NDST1: variants seen among roughly 807,000 people sequenced by gnomAD.
NDST1 encodes bifunctional heparan sulfate N-deacetylase/N-sulfotransferase 1.
Under a neutral mutation model 92.8 loss-of-function variants are expected in NDST1, and 35 were observed. The observed-to-expected ratio is 0.38, with a 90% CI of 0.29 to 0.50. The LOEUF (loss-of-function observed/expected upper bound fraction) is 0.50. Ranked by LOEUF, NDST1 falls within the 20% of genes least tolerant of loss-of-function variation. NDST1 has a pLI of 0.94. For missense variants in NDST1, 822 were observed against 1,182.7 expected, an observed-to-expected ratio of 0.69 and a Z score of 4.47; for synonymous variants, 493 against 500.3, an observed-to-expected ratio of 0.99 and a Z score of 0.19.
rs1406410124 is a variant in NDST1 at position 150,546,073 on chromosome 5, C to T, written c.2145+587C>T. Among the ~76,000 whole-genome samples the T allele has an allele frequency of 2.1e-5, 3 of 145,046 alleles. No individual in the cohort carries two copies. The Admixed American group carries it at 2.1e-4, about 10-fold the overall frequency. On this transcript the variant is annotated intron_variant, in intron 11 of 14. Transcript: ENST00000261797. ...AGTGCAGTGGCCTGATCTCAACTCA[C>T]TGCAACATCCGCCTTCCAGTTTGAA... is the stretch of plus-strand genomic sequence containing the variant.
chr5:150,527,684 C>A lies in NDST1; in HGVS notation c.514-120C>A. 3 of 1,439,408 alleles carry A rather than the reference C, an allele frequency of 2.1e-6. No homozygotes were observed. In the South Asian group the frequency reaches 3.7e-5, roughly 18 times the overall value. The allele number at this position is 1,439,408 out of a possible 1,614,324, so 89.2% of individuals were successfully genotyped here. On this transcript the variant is annotated intron_variant, in intron 2 of 14. Transcript: ENST00000261797. ...TGGAGCGCAGGGCCAGGGTGGTGAG[C>A]CCTCCATGAATGTTGGTGAATATTG...
chr5:150,498,668 C>T (rs1312242807), intron 1 of NDST1, among the ~76,000 whole-genome samples: 1 of 152,226 alleles, frequency 6.6e-6, no homozygotes, highest in African/African-American at 2.4e-5. Context: ...TTTGTCCCTC[C>T]ATTGTCTCTT....
chr5:150,498,536 G>A (rs57049637), intron 1 of NDST1, among the ~76,000 whole-genome samples: 3 of 152,156 alleles, frequency 2.0e-5, no homozygotes, highest in Non-Finnish European at 4.4e-5. Context: ...GGGCAGGGGA[G>A]GTAGGGGAAA....
At position 150,535,721 on chromosome 5, in the gene NDST1, A is replaced by C; in HGVS notation, c.1273A>C (p.Met425Leu). The C allele has an allele frequency of 6.2e-7, 1 of 1,614,172 alleles. No homozygotes were observed. Among genetic ancestry groups the C allele is most frequent in the Non-Finnish European group, 8.5e-7 (1 of 1,180,030 alleles). Residue 425 changes from methionine to leucine, a missense_variant, in exon 6 of 15, where the codon ATG (methionine) becomes CTG (leucine). Transcript: ENST00000261797. ...FAVEHGIPTD[M>L]GYAVAPHHSG... ...CTAGGAGCATGGCATTCCCACAGAC[A>C]TGGGGTATGCAGTGGCGCCCCACCA...
chr5:150,521,754 T>C lies in NDST1; in HGVS notation c.500T>C (p.Ile167Thr), dbSNP rs759741142. The C allele has an allele frequency of 6.2e-7, 1 of 1,613,652 alleles. No homozygotes were observed. The highest frequency in any genetic ancestry group is 1.1e-5 in the South Asian group (1 of 91,082). The stretch of plus-strand genomic sequence containing the variant: ...TGTGTGGCCTACGGCGTGGGCATCA[T>C]TGGCTTCTTCAAGGTACACAAGAAG... ...KYCVAYGVGI[I>T]GFFKANENSL... Residue 167 changes from isoleucine to threonine, a missense_variant, in exon 2 of 15, where the codon ATT becomes ACT. Transcript: ENST00000261797. This position sits in a 1 kb window ranked among gnomAD's most constrained non-coding sequence, Gnocchi z 5.9.
chr5:150,548,513 C>G, intron 12 of NDST1, 125 bp downstream of exon 12: 1 of 995,902 alleles, frequency 1.0e-6, no homozygotes, highest in Non-Finnish European at 1.5e-6. Context: ...GAGCTAGACC[C>G]TTGGGTCTAT....
chr5:150,507,189 G>A (rs943000281), upstream of NDST1, among the ~76,000 whole-genome samples: 15 of 152,162 alleles, frequency 9.9e-5, 1 homozygote, highest in African/African-American at 3.6e-4. Flanking sequence ...AGGACCCTTG[G>A]CCACCCACGT....
At chr5:150,513,965 TTCATTATCC>T (rs1753844978) in intron 1 of NDST1, among the ~76,000 whole-genome samples, 2 of 152,230 alleles carry the variant, frequency 1.3e-5, no homozygotes, top group South Asian at 4.1e-4. Flanking sequence ...GAGCATCTCA[TTCATTATCC>T]TCAGCACCTT....
rs549399451 is a variant in NDST1 at position 150,513,320 on chromosome 5, G to A, written c.-388+5094G>A. Among the ~76,000 whole-genome samples, 66 of 150,866 alleles carry A rather than the reference G, an allele frequency of 4.4e-4. No homozygotes were observed. In the East Asian group the frequency reaches 0.01, roughly 24 times the overall value. On this transcript the variant is annotated intron_variant, in intron 1 of 14. Transcript: ENST00000261797. The stretch of plus-strand genomic sequence containing the variant: ...AGCCTGGGCAACATGGCGAAACCCC[G>A]TCTCTACTAAAAATACAAAAATTAG...
At chr5:150,535,318 G>T (rs1754932709) in intron 5 of NDST1, 1 of 985,316 alleles carries the variant, frequency 1.0e-6, no homozygotes, top group Non-Finnish European at 1.2e-6. Flanking sequence ...ACTAGAAGGG[G>T]AGGCTCTGGA....
In NDST1 at chr5:150,553,501, A is replaced by G; in HGVS notation, c.*169A>G. ...GGAGCACCCAGGCGGATCTGCAAGC[A>G]CCTCGGAGCACCCACCGCTGGGTCT... On this transcript the variant is annotated 3_prime_UTR_variant, in exon 15 of 15. Transcript: ENST00000261797. This position sits in a 1 kb window ranked among gnomAD's most constrained non-coding sequence, Gnocchi z 4.2. 1.1e-6 allele frequency: 1 copy of G among 873,984 alleles called. No individual in the cohort carries two copies. Among genetic ancestry groups the G allele is most frequent in the Non-Finnish European group, 1.8e-6 (1 of 541,698 alleles). 54.1% of individuals were successfully genotyped at this position (873,984 alleles called of 1,614,324 possible). A position where few individuals can be genotyped will look rare whatever the true frequency, so the allele number is the denominator to read the frequency against.
chr5:150,521,819 G>T lies in NDST1; in HGVS notation c.513+52G>T, dbSNP rs953929877. The T allele has an allele frequency of 3.1e-6, 5 of 1,603,996 alleles. No homozygotes were observed. The African/African-American group carries it at 6.7e-5, about 21-fold the overall frequency. ...AGTTCAGAGCCCCCTCTGCAGCTCA[G>T]TGCCTGAATTCTCATTTGTGAAATA... On this transcript the variant is annotated intron_variant, in intron 2 of 14. Transcript: ENST00000261797. The surrounding 1 kb of genome is among the most constrained non-coding windows in gnomAD (Gnocchi z 5.9).
intron 4 of NDST1, among the ~76,000 whole-genome samples, chr5:150,533,728 A>G (rs1227842582): frequency 6.6e-6 from 1 of 152,196 alleles, no homozygotes; most frequent in Non-Finnish European, 1.5e-5. Context: ...ATAGCCCCAA[A>G]GCCAAATAGG....
At chr5:150,528,627 C>T (rs546678793) in intron 3 of NDST1, among the ~76,000 whole-genome samples, 2 of 151,874 alleles carry the variant, frequency 1.3e-5, no homozygotes, top group South Asian at 4.2e-4. Flanking sequence ...CCCATCTCTA[C>T]TAAAAATACA....
At chr5:150,519,383 CCTT>C (rs149633157) in intron 1 of NDST1, among the ~76,000 whole-genome samples, 4,379 of 152,324 alleles carry the variant, frequency 0.029, 380 homozygotes, top group Admixed American at 0.16. Context: ...GGGCAACTCT[CCTT>C]CTAGCTTTGA....
At chr5:150,515,407 T>C (rs1049855309) in intron 1 of NDST1, among the ~76,000 whole-genome samples, 1 of 152,186 alleles carries the variant, frequency 6.6e-6, no homozygotes, top group Non-Finnish European at 1.5e-5. Flanking sequence ...ACAGTCTGCA[T>C]TTTGTTTGGG....
intron 9 of NDST1, among the ~76,000 whole-genome samples, chr5:150,542,014 A>G (rs778279229): frequency 6.6e-6 from 1 of 152,184 alleles, no homozygotes; most frequent in African/African-American, 2.4e-5. Context: ...TCAATTAGCT[A>G]TGTCTGCCAG....
intron 1 of NDST1, among the ~76,000 whole-genome samples, chr5:150,502,383 T>A (rs1339536905): frequency 6.6e-6 from 1 of 152,186 alleles, no homozygotes; most frequent in East Asian, 1.9e-4. Context: ...CCGCAAGGTT[T>A]CTGGCTTGAG....
At chr5:150,528,335 G>A (rs1400784984) in intron 3 of NDST1, 37 bp downstream of exon 3, 2 of 1,552,606 alleles carry the variant, frequency 1.3e-6, no homozygotes, top group Admixed American at 1.8e-5. Flanking sequence ...AAGGCAGGTG[G>A]GGCCTGGCAA....
Sources: allele counts gnomAD v4.1 joint callset (sites outside exome capture counted in the v4.1 genomes callset), GRCh38; gene constraint gnomAD v4.1.1; non-coding constraint Gnocchi (gnomAD v3.1); transcripts MANE v1.5; gene names NCBI Gene and HGNC (gene_info 2026-07-23, HGNC 2026-07-21).